The following C1S variants were observed in gnomAD, a reference collection of about 807,000 sequenced individuals.
C1S encodes complement C1s, also known as complement C1s subcomponent.
A neutral mutation model predicts 54.0 loss-of-function variants in C1S; 31 were observed. The ratio of observed to expected loss-of-function variants is 0.57; its 90% CI spans 0.43 to 0.78. C1S has a LOEUF of 0.78. Ranked by LOEUF, C1S falls within the 30% of genes least tolerant of loss-of-function variation. C1S has a pLI of 0.00. For synonymous variants in C1S, 292 were observed against 303.6 expected (o/e 0.96, Z 0.40); for missense variants, 727 against 851.8 (o/e 0.85, Z 1.82).
chr12:7,063,200 C>A, intron 4 of C1S, 133 bp downstream of exon 4: 1 of 797,814 alleles, frequency 1.3e-6, no homozygotes, highest in Non-Finnish European at 2.0e-6. Flanking sequence ...GCCTGGGTCG[C>A]TCCATAAATC....
At chr12:7,062,282 A>AG in intron 2 of C1S, 193 bp from the exon 3 acceptor site, 1 of 584,356 alleles carries the variant, frequency 1.7e-6, no homozygotes, top group Non-Finnish European at 3.0e-6. Flanking sequence ...AAAAAAAAAA[A>AG]AAAAGGGCTC....
rs1555162142 is a variant in C1S, at chr12:7,065,941, A to T, written c.842A>T (p.Lys281Met). ...CAAACTGATCTAACAGGGCAAAAAA[A>T]GGGCTGGAAACTTCGCTATCATGGA... ...IFQTDLTGQK[K>M]GWKLRYHGDP... is the part of the protein sequence containing the mutation. The change falls in exon 7 of 12, where the codon AAG (lysine) becomes ATG (methionine). Residue 281 changes from lysine to methionine, a missense_variant. Coordinates refer to ENST00000360817, the MANE Select transcript of C1S (RefSeq NM_001734.5). 1 of 1,614,018 alleles carries T rather than the reference A, an allele frequency of 6.2e-7. No homozygotes were observed. The highest frequency in any genetic ancestry group is 8.5e-7 in the Non-Finnish European group (1 of 1,179,868).
In C1S at chr12:7,062,866, T is replaced by G. The variant is rs782653253; in HGVS notation, c.214-24T>G. 33 of 1,612,444 alleles carry G rather than the reference T, an allele frequency of 2.0e-5. No individual in the cohort carries two copies. The South Asian group carries it at 3.4e-4, about 17-fold the overall frequency. Reference sequence around the variant, plus strand: ...CCAAAATATTACCCTTTCCTAGATTTTTTTTTTGTGACTCTTCTCTTAGAT... The same window carrying G: ...CCAAAATATTACCCTTTCCTAGATTGTTTTTTTGTGACTCTTCTCTTAGAT... On this transcript the variant is annotated intron_variant, in intron 3 of 11. Transcript: ENST00000360817.
Position 7,070,606 on chromosome 12 carries a change from G to A in C1S, c.2022G>A (p.Trp674Ter). 6.2e-7 allele frequency: 1 copy of A among 1,614,160 alleles called. No individual in the cohort carries two copies. Residue 674 changes from tryptophan (W) to a stop codon, truncating the protein, a stop_gained, in exon 12 of 12, where the codon TGG becomes TGA. Coordinates refer to ENST00000360817, the MANE Select transcript of C1S (RefSeq NM_001734.5). LOFTEE classifies it low-confidence loss of function (END_TRUNC). This position sits in a 1 kb window ranked among gnomAD's most constrained non-coding sequence, Gnocchi z 4.9. ...LYTRVKNYVD[W>*]IMKTMQENST... ...CACGGGTAAAGAACTATGTTGACTG[G>A]ATAATGAAGACTATGCAGGAAAATA...
At chr12:7,061,224 TC>T (rs2135719550) in intron 1 of C1S, 1 of 152,614 alleles carries the variant, frequency 6.6e-6, no homozygotes, top group African/African-American at 2.4e-5. Context: ...CATTTGGCTG[TC>T]CCTTTTCTCC....
At chr12:7,062,322 T>C (rs370809627) in intron 2 of C1S, 153 bp from the exon 3 acceptor site, 1 of 689,810 alleles carries the variant, frequency 1.4e-6, no homozygotes, top group Non-Finnish European at 2.6e-6. Context: ...TGGTTTGACC[T>C]GGGCCTTTTC....
chr12:7,063,256 T>C, intron 4 of C1S, 189 bp downstream of exon 4: 1 of 612,378 alleles, frequency 1.6e-6, no homozygotes, highest in Non-Finnish European at 2.9e-6. Flanking sequence ...GTGGTGATGA[T>C]GATCATGGTA....
chr12:7,066,981 G>T, intron 8 of C1S, 58 bp from the exon 9 acceptor site: 1 of 1,260,050 alleles, frequency 7.9e-7, no homozygotes, highest in South Asian at 1.2e-5. Flanking sequence ...TTCCAGTTTT[G>T]ATTTTGGTTT....
At position 7,064,110 on chromosome 12, in the gene C1S, G is replaced by A; in HGVS notation, c.392-157G>A. On this transcript the variant is annotated intron_variant, in intron 4 of 11. Coordinates refer to ENST00000360817, the MANE Select transcript of C1S (RefSeq NM_001734.5). The stretch of plus-strand genomic sequence containing the variant: ...AACTCTGGAATCATATGTCAGGAGA[G>A]TAATATGGAATAATAGTAGCCTGAA... 3.7e-6 allele frequency: 3 copies of A among 804,760 alleles called. No homozygotes were observed. In the East Asian group the frequency reaches 7.6e-5, roughly 20 times the overall value. The allele number at this position is 804,760 out of a possible 1,614,324, so 49.9% of individuals were successfully genotyped here.
chr12:7,068,565 C>T lies in C1S; in HGVS notation c.1270+35C>T, dbSNP rs782704024. 6.3e-6 allele frequency: 9 copies of T among 1,435,578 alleles called. No homozygotes were observed. In the South Asian group the frequency reaches 1.0e-4, roughly 16 times the overall value. 88.9% of individuals were successfully genotyped at this position (1,435,578 alleles called of 1,614,324 possible). A position where few individuals can be genotyped will look rare whatever the true frequency, so the allele number is the denominator to read the frequency against. On this transcript the variant is annotated intron_variant, in intron 11 of 11. Coordinates refer to ENST00000360817, the MANE Select transcript of C1S (RefSeq NM_001734.5). The stretch of plus-strand genomic sequence containing the variant: ...GCTGAGGCTTGGGGAGAGATGATAG[C>T]CATGGGTGACTGGGAGTCACCTTCT...
In C1S at chr12:7,067,673, A is replaced by G. The variant is rs782170742; in HGVS notation, c.1097A>G (p.Glu366Gly). Residue 366 changes from glutamate (E) to glycine (G), a missense_variant, in exon 10 of 12, where the codon GAG becomes GGG. Coordinates refer to ENST00000360817, the MANE Select transcript of C1S (RefSeq NM_001734.5). The part of the protein sequence containing the change: ...PVDCGIPESI[E>G]NGKVEDPEST... ...GACTGTGGCATTCCTGAATCCATTG[A>G]GAATGGTAAAGTTGAAGACCCAGAG... The G allele has an allele frequency of 1.2e-6, 2 of 1,614,084 alleles. No homozygotes were observed. Among genetic ancestry groups the G allele is most frequent in the Non-Finnish European group, 1.7e-6 (2 of 1,179,958 alleles).
chr12:7,061,995 C>A, intron 2 of C1S, 78 bp downstream of exon 2: 1 of 1,396,560 alleles, frequency 7.2e-7, no homozygotes. Context: ...AAGGGCCAGG[C>A]ATGATGGCTC....
chr12:7,061,435 G>A, intron 1 of C1S: 1 of 293,882 alleles, frequency 3.4e-6, no homozygotes, highest in South Asian at 3.4e-5. Flanking sequence ...AAGAGGGGCT[G>A]TCCTACATGG....
chr12:7,068,231 C>T (rs1413021362), intron 10 of C1S, among the ~76,000 whole-genome samples: 1 of 152,212 alleles, frequency 6.6e-6, no homozygotes, highest in Non-Finnish European at 1.5e-5. Flanking sequence ...GCCTTCTTTC[C>T]TTCTGCTTTG....
chr12:7,069,837 T>G lies in C1S; in HGVS notation c.1271-18T>G, dbSNP rs1937791675. 6 of 1,602,104 alleles carry G rather than the reference T, an allele frequency of 3.7e-6. No homozygotes were observed. The highest frequency in any genetic ancestry group is 5.1e-6 in the Non-Finnish European group (6 of 1,169,078). On this transcript the variant is annotated intron_variant, in intron 11 of 11. Coordinates refer to ENST00000360817, the MANE Select transcript of C1S (RefSeq NM_001734.5). ...ATCATTTCTTCCTCCTTCCCTGTGT[T>G]GTTTTATTCCTTCCTAGTCTGTGGA...
intron 11 of C1S, 85 bp from the exon 12 acceptor site, chr12:7,069,770 G>A: frequency 1.7e-6 from 2 of 1,161,044 alleles, no homozygotes; most frequent in South Asian, 1.2e-5. Flanking sequence ...AACCTAGCAG[G>A]TAACATTATG....
At chr12:7,062,086 A>G (rs1325942387) in intron 2 of C1S, 169 bp downstream of exon 2, 1 of 685,634 alleles carries the variant, frequency 1.5e-6, no homozygotes, top group Non-Finnish European at 2.6e-6. Context: ...CCTGGGCAAC[A>G]TAAGGAGACC....
intron 8 of C1S, 117 bp downstream of exon 8, chr12:7,066,750 A>G (rs1937677402): frequency 1.3e-6 from 1 of 749,126 alleles, no homozygotes. Flanking sequence ...CACCTTTCCC[A>G]TAAACACAAC....
chr12:7,070,716 A>T lies in C1S; in HGVS notation c.*65A>T. ...AATGCATTACCTTCTGTTCCTTATG[A>T]TATTCTCATTATTTCATCATGACTG... On this transcript the variant is annotated 3_prime_UTR_variant, in exon 12 of 12. Coordinates refer to ENST00000360817, the MANE Select transcript of C1S (RefSeq NM_001734.5). This position sits in a 1 kb window ranked among gnomAD's most constrained non-coding sequence, Gnocchi z 4.9. The T allele has an allele frequency of 8.0e-7, 1 of 1,243,626 alleles. No homozygotes were observed. The highest frequency in any genetic ancestry group is 1.2e-5 in the South Asian group (1 of 83,256). 77.0% of individuals were successfully genotyped at this position (1,243,626 alleles called of 1,614,324 possible).
Sources: gnomAD v4.1 joint callset for allele counts (sites outside exome capture counted in the v4.1 genomes callset) on GRCh38, gnomAD v4.1.1 for gene constraint, Gnocchi (gnomAD v3.1) non-coding constraint, MANE v1.5 for transcripts, NCBI Gene and HGNC (gene_info 2026-07-23, HGNC 2026-07-21) for gene names.